ARL8B: variants seen among roughly 807,000 people sequenced by gnomAD.
ARL8B encodes the protein ADP-ribosylation factor-like protein 8B.
Under a neutral mutation model 30.6 loss-of-function variants are expected in ARL8B, and 9 were observed. The ratio of observed to expected loss-of-function variants is 0.29; its 90% CI spans 0.18 to 0.51. ARL8B has a LOEUF of 0.51. ARL8B is among the 20% of genes least tolerant of loss of function. The probability of loss-of-function intolerance (pLI) is 0.97; values close to 1 mark genes in which losing one functional copy is unlikely to be tolerated. For missense variants in ARL8B, 130 were observed against 227.2 expected (o/e 0.57, Z 2.75); for synonymous variants, 74 against 76.0 (o/e 0.97, Z 0.14).
chr3:5,135,845 G>A (rs1335283264), intron 1 of ARL8B, among the ~76,000 whole-genome samples: 1 of 149,170 alleles, frequency 6.7e-6, no homozygotes. Flanking sequence ...GGAGTGCAGT[G>A]GCGCGATGTT....
intron 1 of ARL8B, among the ~76,000 whole-genome samples, chr3:5,143,239 T>C (rs746114696): frequency 2.0e-5 from 3 of 152,220 alleles, no homozygotes; most frequent in Non-Finnish European, 4.4e-5. Flanking sequence ...TTTGACCTTC[T>C]GCTCTTTGCG....
intron 2 of ARL8B, 141 bp from the exon 3 acceptor site, chr3:5,172,009 G>A: frequency 1.4e-6 from 1 of 697,994 alleles, no homozygotes. Flanking sequence ...CTTGTTTGAG[G>A]TCAAGTCTTT....
intron 1 of ARL8B, among the ~76,000 whole-genome samples, chr3:5,139,102 A>T (rs1370731268): frequency 6.6e-6 from 1 of 152,118 alleles, no homozygotes. Context: ...TTGTTACTGA[A>T]TTTTTTTACA....
intron 1 of ARL8B, among the ~76,000 whole-genome samples, chr3:5,147,849 C>T (rs1281655060): frequency 6.6e-6 from 1 of 150,936 alleles, no homozygotes; most frequent in African/African-American, 2.4e-5. Context: ...GATTTTTGAG[C>T]CTCTACAGGA....
chr3:5,131,393 AATT>A (rs2054282149), intron 1 of ARL8B, among the ~76,000 whole-genome samples: 1 of 128,336 alleles, frequency 7.8e-6, no homozygotes, highest in Non-Finnish European at 1.6e-5. Flanking sequence ...AAAATTAAAA[AATT>A]TTTTTTTTTT....
intron 1 of ARL8B, among the ~76,000 whole-genome samples, chr3:5,127,901 A>AAAAAAC (rs1559274157): frequency 4.9e-5 from 7 of 144,172 alleles, no homozygotes; most frequent in Non-Finnish European, 1.1e-4. Context: ...AAAAAAAAAA[A>AAAAAAC]GCGGAGGGCC....
intron 1 of ARL8B, among the ~76,000 whole-genome samples, chr3:5,131,232 C>T (rs991524727): frequency 7.3e-5 from 11 of 151,640 alleles, no homozygotes; most frequent in Non-Finnish European, 1.3e-4. Flanking sequence ...TCATTTTGTC[C>T]GGAGAATGTT....
At chr3:5,125,725 G>T (rs915765226) in intron 1 of ARL8B, among the ~76,000 whole-genome samples, 1 of 152,072 alleles carries the variant, frequency 6.6e-6, no homozygotes, top group East Asian at 1.9e-4. Context: ...TAGAGACGGG[G>T]TTTCACCATG....
intron 1 of ARL8B, among the ~76,000 whole-genome samples, chr3:5,129,875 T>C (rs912431889): frequency 5.3e-5 from 8 of 152,172 alleles, no homozygotes; most frequent in African/African-American, 1.9e-4. Flanking sequence ...CTCTCTTTTT[T>C]GTTTTTCAGA....
In ARL8B at chr3:5,178,667, T is replaced by C. The variant is rs757479306; in HGVS notation, c.515T>C (p.Ile172Thr). The change falls in exon 7 of 7, where the codon ATC (isoleucine) becomes ACC (threonine). Residue 172 changes from isoleucine (I) to threonine (T), a missense_variant. Physicochemically the swap from Ile to Thr is moderately conservative, Grantham distance 89. Transcript: ENST00000256496. The stretch of plus-strand genomic sequence containing the variant: ...CACTTTTCCCCTCTATCTTTAGATA[T>C]CACACTTCAGTGGCTTATTCAGCAT... ...ISCKEKDNID[I>T]TLQWLIQHSK... is the part of the protein sequence containing the mutation. 6.2e-7 allele frequency: 1 copy of C among 1,609,260 alleles called. No homozygotes were observed. Among genetic ancestry groups the C allele is most frequent in the Non-Finnish European group, 8.5e-7 (1 of 1,177,972 alleles).
At chr3:5,169,904 A>C (rs1382577963) in intron 1 of ARL8B, among the ~76,000 whole-genome samples, 1 of 152,250 alleles carries the variant, frequency 6.6e-6, no homozygotes, top group Non-Finnish European at 1.5e-5. Flanking sequence ...TTATTTGTAC[A>C]GTTGGAATTC....
intron 1 of ARL8B, among the ~76,000 whole-genome samples, chr3:5,142,292 G>A (rs781204732): frequency 2.0e-5 from 3 of 152,106 alleles, no homozygotes; most frequent in Non-Finnish European, 2.9e-5. Context: ...CGGGCTTATT[G>A]AACTCTGCCC....
chr3:5,130,376 T>C (rs1217151627), intron 1 of ARL8B, among the ~76,000 whole-genome samples: 1 of 151,920 alleles, frequency 6.6e-6, no homozygotes, highest in East Asian at 1.9e-4. Flanking sequence ...CATGTAAATA[T>C]AAATACAGCT....
At chr3:5,138,495 C>T (rs543702142) in intron 1 of ARL8B, among the ~76,000 whole-genome samples, 8 of 152,092 alleles carry the variant, frequency 5.3e-5, no homozygotes, top group South Asian at 4.2e-4. Context: ...TTCTGTAATA[C>T]GAGGCCAGAG....
At chr3:5,141,973 T>C (rs1473304117) in intron 1 of ARL8B, among the ~76,000 whole-genome samples, 1 of 152,180 alleles carries the variant, frequency 6.6e-6, no homozygotes, top group African/African-American at 2.4e-5. Context: ...GCCTTAAATT[T>C]ATTCGGCACT....
chr3:5,174,163 A>G (rs977394247), intron 5 of ARL8B, 79 bp downstream of exon 5: 1 of 1,313,624 alleles, frequency 7.6e-7, no homozygotes, highest in Non-Finnish European at 1.1e-6. Context: ...ATTCCTAATG[A>G]TCATAGCCAT....
intron 1 of ARL8B, among the ~76,000 whole-genome samples, chr3:5,135,490 G>T (rs1025295110): frequency 4.6e-5 from 7 of 150,632 alleles, no homozygotes; most frequent in Non-Finnish European, 8.9e-5. Flanking sequence ...ATGGATTCTC[G>T]CTCTGTCGCC....
intron 1 of ARL8B, among the ~76,000 whole-genome samples, chr3:5,145,202 AGTTATGGTCTGAT>A (rs2054407980): frequency 6.6e-6 from 1 of 152,182 alleles, no homozygotes; most frequent in South Asian, 2.1e-4. Context: ...ATATCTAAGC[AGTTATGGTCTGAT>A]GGCTCTTTGT....
chr3:5,153,220 G>T (rs2054501076), intron 1 of ARL8B, among the ~76,000 whole-genome samples: 1 of 152,124 alleles, frequency 6.6e-6, no homozygotes, highest in South Asian at 2.1e-4. Context: ...TATACTGATA[G>T]GACTTGGCAG....
Sources: allele counts gnomAD v4.1 joint callset (sites outside exome capture counted in the v4.1 genomes callset), GRCh38; gene constraint gnomAD v4.1.1; transcripts MANE v1.5; gene names NCBI Gene and HGNC (gene_info 2026-07-23, HGNC 2026-07-21).